The following PAX2 variants were observed in gnomAD, a reference collection of about 807,000 sequenced individuals.
The protein encoded by PAX2 is paired box 2, also known as paired box protein Pax-2.
PAX2 carries 9 observed loss-of-function variants against 41.7 expected under a neutral mutation model. The ratio of observed to expected loss-of-function variants is 0.22; its 90% CI spans 0.13 to 0.38. The LOEUF (loss-of-function observed/expected upper bound fraction) is 0.38. PAX2 is among the 10% of genes least tolerant of loss of function. PAX2 has a pLI of 1.00. For synonymous variants in PAX2, 221 were observed against 212.7 expected (o/e 1.04, Z -0.34); for missense variants, 418 against 531.6 (o/e 0.79, Z 2.10).
At chr10:100,749,962 G>T in intron 2 of PAX2, 48 bp downstream of exon 2, 1 of 1,592,448 alleles carries the variant, frequency 6.3e-7, no homozygotes. Flanking sequence ...TACTTCCCCG[G>T]CCAGCCCTGG....
At chr10:100,823,873 G>A (rs796623372) in intron 7 of PAX2, among the ~76,000 whole-genome samples, 5 of 152,284 alleles carry the variant, frequency 3.3e-5, no homozygotes, top group African/African-American at 9.6e-5. Context: ...GACTCGCTTT[G>A]TCTCCCACCC....
intron 5 of PAX2, among the ~76,000 whole-genome samples, chr10:100,788,174 A>G (rs1564727601): frequency 6.6e-6 from 1 of 152,200 alleles, no homozygotes; most frequent in Admixed American, 6.5e-5. Context: ...TAAGGAAGAG[A>G]CTTTACTGCT....
At chr10:100,808,645 T>C (rs11594822) in intron 6 of PAX2, among the ~76,000 whole-genome samples, 26,288 of 151,586 alleles carry the variant, frequency 0.17, 2,694 homozygotes, top group Middle Eastern at 0.35. Context: ...GGGGCTGTCA[T>C]TGTTTGTTTT....
At chr10:100,738,295 G>A (rs1157385007) in intron 1 of PAX2, among the ~76,000 whole-genome samples, 3 of 152,230 alleles carry the variant, frequency 2.0e-5, no homozygotes, top group Non-Finnish European at 2.9e-5. Context: ...ATTAACTGCT[G>A]TGTTGACCTG....
At chr10:100,742,369 C>A (rs1228946201), upstream of PAX2, among the ~76,000 whole-genome samples, 1 of 149,692 alleles carries the variant, frequency 6.7e-6, no homozygotes, top group African/African-American at 2.5e-5. Context: ...TGCCTATCCG[C>A]CACCCCGACA....
chr10:100,736,796 G>A (rs1844788810), intron 1 of PAX2, among the ~76,000 whole-genome samples: 1 of 152,146 alleles, frequency 6.6e-6, no homozygotes, highest in Non-Finnish European at 1.5e-5. Flanking sequence ...CAGACCCTCT[G>A]CACCAGAGGT....
intron 1 of PAX2, among the ~76,000 whole-genome samples, chr10:100,737,169 C>T (rs1844800628): frequency 6.6e-6 from 1 of 152,240 alleles, no homozygotes; most frequent in Admixed American, 6.5e-5. Flanking sequence ...GCTCTGCCTG[C>T]ATTGCAGGCC....
chr10:100,805,109 A>G (rs1235390414), intron 5 of PAX2, among the ~76,000 whole-genome samples: 1 of 150,874 alleles, frequency 6.6e-6, no homozygotes, highest in Non-Finnish European at 1.5e-5. Flanking sequence ...CAGAATAGAT[A>G]TGGAGGGAAG....
In PAX2 at chr10:100,767,065, C is replaced by T. The variant is rs145021112; in HGVS notation, c.411-12433C>T. ...AAGTAACAAACATTAAGCTAGCTGC[C>T]GGAATGCGTCAACACAATGCAATAA... On this transcript the variant is annotated intron_variant, in intron 3 of 9. Coordinates refer to ENST00000355243, the MANE Select transcript of PAX2 (RefSeq NM_000278.5). Among the ~76,000 whole-genome samples the T allele has an allele frequency of 5.1e-3, 771 of 152,250 alleles. 11 individuals are homozygous for T. The highest frequency in any genetic ancestry group is 0.018 in the African/African-American group (739 of 41,546).
intron 3 of PAX2, among the ~76,000 whole-genome samples, chr10:100,773,773 A>G (rs1021931680): frequency 1.3e-5 from 2 of 152,126 alleles, no homozygotes; most frequent in Non-Finnish European, 2.9e-5. Context: ...TCCAGCAGAC[A>G]CTTAACCTTT....
chr10:100,750,236 A>T lies in PAX2; in HGVS notation c.212+322A>T, dbSNP rs923081361. Reference sequence around the variant, plus strand: ...ATACGGGGTGGGAGACATTAGAGGAATGGGGGGGGAGTGAAAATGGGTCCC... The same window carrying T: ...ATACGGGGTGGGAGACATTAGAGGATTGGGGGGGGAGTGAAAATGGGTCCC... On this transcript the variant is annotated intron_variant, in intron 2 of 9. Coordinates refer to ENST00000355243, the MANE Select transcript of PAX2 (RefSeq NM_000278.5). The surrounding 1 kb of genome is among the most constrained non-coding windows in gnomAD (Gnocchi z 4.1). Among the ~76,000 whole-genome samples the T allele has an allele frequency of 1.4e-5, 2 of 144,142 alleles. No homozygotes were observed. The highest frequency in any genetic ancestry group is 3.0e-5 in the Non-Finnish European group (2 of 67,748). The allele number at this position is 144,142 out of a possible 152,430, so 94.6% of individuals were successfully genotyped here.
chr10:100,805,331 C>T (rs1847738841), intron 5 of PAX2, among the ~76,000 whole-genome samples: 1 of 152,190 alleles, frequency 6.6e-6, no homozygotes, highest in South Asian at 2.1e-4. Flanking sequence ...GAGGAACACC[C>T]TGGGGCCTCC....
intron 5 of PAX2, among the ~76,000 whole-genome samples, chr10:100,799,750 G>A (rs1181918640): frequency 2.1e-5 from 3 of 144,930 alleles, no homozygotes; most frequent in South Asian, 2.2e-4. Flanking sequence ...ACAGATAGAT[G>A]TTTGTATTTG....
rs942375349 is a variant in PAX2, at chr10:100,827,368, C to T, written c.1109-175C>T. Among the ~76,000 whole-genome samples, 6 of 152,248 alleles carry T rather than the reference C, an allele frequency of 3.9e-5. No individual in the cohort carries two copies. The highest frequency in any genetic ancestry group is 1.4e-4 in the African/African-American group (6 of 41,468). ...GTCACCAGATCGGGTCCCTCTCATG[C>T]CCCGTGAACGCAACTATTCTCCGGG... On this transcript the variant is annotated intron_variant, in intron 9 of 9. Transcript: ENST00000355243. This position sits in a 1 kb window ranked among gnomAD's most constrained non-coding sequence, Gnocchi z 8.5.
rs775305143 is a variant in PAX2 at position 100,750,675 on chromosome 10, G to T, written c.213-19G>T. ...CCACAGTCCGCTTCTGGCTGACCCC[G>T]CCGGCTTTCCCGGCGCAGGTACTAC... On this transcript the variant is annotated intron_variant, in intron 2 of 9. Transcript: ENST00000355243. This position sits in a 1 kb window ranked among gnomAD's most constrained non-coding sequence, Gnocchi z 4.1. 1.9e-6 allele frequency: 3 copies of T among 1,612,520 alleles called. No individual in the cohort carries two copies. The highest frequency in any genetic ancestry group is 2.7e-5 in the African/African-American group (2 of 75,042).
At chr10:100,819,112 G>A (rs935324082) in intron 7 of PAX2, among the ~76,000 whole-genome samples, 1 of 152,054 alleles carries the variant, frequency 6.6e-6, no homozygotes, top group African/African-American at 2.4e-5. Flanking sequence ...GCTGGGTGCA[G>A]TGGCAGGCGC....
chr10:100,821,417 C>T (rs1459501598), intron 7 of PAX2, among the ~76,000 whole-genome samples: 1 of 152,226 alleles, frequency 6.6e-6, no homozygotes. Context: ...CACGAGGAAG[C>T]TTGCGTGCTT....
intron 3 of PAX2, among the ~76,000 whole-genome samples, chr10:100,776,181 C>G (rs1460689597): frequency 6.6e-6 from 1 of 152,220 alleles, no homozygotes; most frequent in Non-Finnish European, 1.5e-5. Context: ...ACCTTCCATA[C>G]TTTCCTCTCC....
chr10:100,749,202 A>G lies in PAX2; in HGVS notation c.44-544A>G, dbSNP rs560847236. The G allele has an allele frequency of 2.4e-4, 239 of 988,418 alleles. 2 individuals carry two copies. The South Asian group carries it at 7.1e-3, about 29-fold the overall frequency. The allele number at this position is 988,418 out of a possible 1,614,324, so 61.2% of individuals were successfully genotyped here. On this transcript the variant is annotated intron_variant, in intron 1 of 9. Transcript: ENST00000355243. ...AATACTTTTTAAAGAAGAGGCAGAG[A>G]GCAAAGGGGGGTGTGTGTGTCAGGC...
Sources: gnomAD v4.1 joint callset for allele counts (sites outside exome capture counted in the v4.1 genomes callset) on GRCh38, gnomAD v4.1.1 for gene constraint, Gnocchi (gnomAD v3.1) non-coding constraint, MANE v1.5 for transcripts, NCBI Gene and HGNC (gene_info 2026-07-23, HGNC 2026-07-21) for gene names.